Variants in RORA observed in about 807,000 individuals in gnomAD.
The protein encoded by RORA is RAR related orphan receptor A.
In RORA, 7 loss-of-function variants were observed where a neutral mutation model predicts 69.5. The observed-to-expected ratio is 0.10, with a 90% CI of 0.06 to 0.19. RORA has a LOEUF of 0.19. RORA is among the 10% of genes least tolerant of loss of function. The pLI, the probability that RORA is intolerant of heterozygous loss-of-function variation, is 1.00. For missense variants in RORA, 457 were observed against 663.0 expected (o/e 0.69, Z 3.41); for synonymous variants, 261 against 240.8 (o/e 1.08, Z -0.78).
chr15:61,205,310 G>C (rs902946848), intron 1 of RORA, among the ~76,000 whole-genome samples: 1 of 152,162 alleles, frequency 6.6e-6, no homozygotes, highest in Non-Finnish European at 1.5e-5. Flanking sequence ...TGGCGAGGGT[G>C]GGGGGCAATT....
intron 1 of RORA, among the ~76,000 whole-genome samples, chr15:60,787,238 C>T (rs770987635): frequency 2.6e-5 from 4 of 152,196 alleles, no homozygotes; most frequent in African/African-American, 4.8e-5. Context: ...ACCAAGCCTG[C>T]GAGCTCAAGG....
chr15:61,075,206 G>A (rs2078431476), intron 1 of RORA, among the ~76,000 whole-genome samples: 1 of 152,052 alleles, frequency 6.6e-6, no homozygotes, highest in African/African-American at 2.4e-5. Flanking sequence ...TTGTTACAGG[G>A]GCACTGTGAA....
At chr15:61,098,690 G>A (rs931316000) in intron 1 of RORA, among the ~76,000 whole-genome samples, 1 of 152,118 alleles carries the variant, frequency 6.6e-6, no homozygotes, top group Non-Finnish European at 1.5e-5. Flanking sequence ...TATCGACAAG[G>A]GAATGTGGTG....
At chr15:60,706,601 C>G (rs1184604596) in intron 1 of RORA, among the ~76,000 whole-genome samples, 1 of 152,168 alleles carries the variant, frequency 6.6e-6, no homozygotes, top group Non-Finnish European at 1.5e-5. Flanking sequence ...AAGTATTTGT[C>G]CTGCTGCAAG....
At chr15:60,787,077 A>G (rs1242689059) in intron 1 of RORA, among the ~76,000 whole-genome samples, 2 of 152,252 alleles carry the variant, frequency 1.3e-5, no homozygotes, top group Non-Finnish European at 2.9e-5. Context: ...TGAGAAACAG[A>G]GAGGTTAATA....
intron 1 of RORA, among the ~76,000 whole-genome samples, chr15:60,683,641 T>TACACAC (rs1212373710): frequency 8.4e-5 from 4 of 47,858 alleles, no homozygotes; most frequent in East Asian, 6.5e-4. Flanking sequence ...TTTACCCAGA[T>TACACAC]ACACATACAC....
intron 1 of RORA, among the ~76,000 whole-genome samples, chr15:60,851,772 G>A (rs534116322): frequency 6.6e-6 from 1 of 150,876 alleles, no homozygotes; most frequent in East Asian, 1.9e-4. Context: ...GAGAGAGAGA[G>A]AGAGATTTTT....
At chr15:60,983,105 C>T (rs953470269) in intron 1 of RORA, among the ~76,000 whole-genome samples, 2 of 152,146 alleles carry the variant, frequency 1.3e-5, no homozygotes, top group African/African-American at 2.4e-5. Context: ...ATGGCCCCTC[C>T]TCTCAGCCAA....
At chr15:61,116,368 A>T (rs1596002225) in intron 1 of RORA, among the ~76,000 whole-genome samples, 1 of 152,174 alleles carries the variant, frequency 6.6e-6, no homozygotes, top group African/African-American at 2.4e-5. Flanking sequence ...GGCTATGTAT[A>T]CCACTGGCCT....
At chr15:60,604,113 A>G (rs1363221615) in intron 2 of RORA, among the ~76,000 whole-genome samples, 1 of 135,716 alleles carries the variant, frequency 7.4e-6, no homozygotes, top group African/African-American at 2.8e-5. Flanking sequence ...AGCCTGGGTG[A>G]CAGAGCGAGA....
At chr15:60,702,214 A>G (rs2070992831) in intron 1 of RORA, among the ~76,000 whole-genome samples, 1 of 152,062 alleles carries the variant, frequency 6.6e-6, no homozygotes, top group Non-Finnish European at 1.5e-5. Context: ...ATAGGGTTGT[A>G]ATTCGGCTTC....
chr15:61,160,773 G>T (rs771844376), intron 1 of RORA, among the ~76,000 whole-genome samples: 49 of 152,302 alleles, frequency 3.2e-4, no homozygotes, highest in Middle Eastern at 6.8e-3. Flanking sequence ...AGGGGGTTAT[G>T]AAGAGAGCTG....
chr15:60,659,668 T>C (rs2070274928), intron 2 of RORA, among the ~76,000 whole-genome samples: 1 of 152,170 alleles, frequency 6.6e-6, no homozygotes, highest in African/African-American at 2.4e-5. Context: ...CACTAAATAC[T>C]AACTACCCAA....
intron 2 of RORA, among the ~76,000 whole-genome samples, chr15:60,605,785 A>T (rs2068931644): frequency 6.6e-6 from 1 of 152,238 alleles, no homozygotes; most frequent in African/African-American, 2.4e-5. Flanking sequence ...TTCCTAACTT[A>T]CATTTATATT....
intron 1 of RORA, among the ~76,000 whole-genome samples, chr15:60,843,734 G>A (rs962143658): frequency 2.6e-5 from 4 of 152,198 alleles, no homozygotes; most frequent in Non-Finnish European, 4.4e-5. Flanking sequence ...GGGACAGAAC[G>A]GCTGGCACAG....
At chr15:61,043,487 C>A (rs1896879537) in intron 1 of RORA, among the ~76,000 whole-genome samples, 1 of 152,202 alleles carries the variant, frequency 6.6e-6, no homozygotes, top group Admixed American at 6.5e-5. Flanking sequence ...TGTCACTAGA[C>A]CAGCCCTTAA....
chr15:60,559,829 C>T (rs1224952823), intron 2 of RORA, among the ~76,000 whole-genome samples: 1 of 152,188 alleles, frequency 6.6e-6, no homozygotes, highest in Non-Finnish European at 1.5e-5. Context: ...CAAATTGATT[C>T]TTTACCTAAG....
intron 1 of RORA, among the ~76,000 whole-genome samples, chr15:60,883,939 A>T (rs1432454608): frequency 2.6e-5 from 4 of 152,198 alleles, no homozygotes; most frequent in Non-Finnish European, 5.9e-5. Flanking sequence ...TCCTTTGTCA[A>T]ACTGGTTTTC....
intron 1 of RORA, among the ~76,000 whole-genome samples, chr15:60,786,998 G>A (rs548008877): frequency 6.6e-6 from 1 of 152,212 alleles, no homozygotes; most frequent in Non-Finnish European, 1.5e-5. Flanking sequence ...GTGGAATCTT[G>A]TCAGTGTTTT....
Sources: gnomAD v4.1 joint callset for allele counts (sites outside exome capture counted in the v4.1 genomes callset) on GRCh38, gnomAD v4.1.1 for gene constraint, MANE v1.5 for transcripts, NCBI Gene and HGNC (gene_info 2026-07-23, HGNC 2026-07-21) for gene names.